Variants in CNGB3 observed in about 807,000 individuals in gnomAD.
The protein encoded by CNGB3 is cyclic nucleotide-gated channel beta-3.
A neutral mutation model predicts 92.8 loss-of-function variants in CNGB3; 86 were observed. That is an observed-to-expected ratio of 0.93 (90% CI 0.78 to 1.11). CNGB3 has a LOEUF of 1.11. CNGB3 is among the 50% of genes least tolerant of loss of function. The pLI, the probability that CNGB3 is intolerant of heterozygous loss-of-function variation, is 0.00. For missense variants in CNGB3, 1,026 were observed against 956.8 expected (o/e 1.07, Z -0.95); for synonymous variants, 333 against 332.7 (o/e 1.00, Z -0.01).
intron 14 of CNGB3, 112 bp downstream of exon 14, chr8:86,611,476 A>G (rs914537784): frequency 6.4e-6 from 5 of 784,332 alleles, no homozygotes; most frequent in Non-Finnish European, 9.1e-6. Flanking sequence ...AATTATTTCT[A>G]TACTATGGAA....
intron 2 of CNGB3, among the ~76,000 whole-genome samples, chr8:86,727,124 GTTA>G (rs1825073759): frequency 6.6e-6 from 1 of 152,208 alleles, no homozygotes; most frequent in Admixed American, 6.5e-5. Context: ...TTTGAAATAT[GTTA>G]TTATAATCTT....
At chr8:86,695,080 C>T (rs995425116) in intron 3 of CNGB3, among the ~76,000 whole-genome samples, 9 of 152,208 alleles carry the variant, frequency 5.9e-5, no homozygotes, top group African/African-American at 1.7e-4. Context: ...GGATCACTCG[C>T]GGTAAGGAGC....
chr8:86,699,533 T>C (rs373284810), intron 3 of CNGB3, among the ~76,000 whole-genome samples: 33 of 152,286 alleles, frequency 2.2e-4, no homozygotes, highest in African/African-American at 7.2e-4. Flanking sequence ...TGCATATAAG[T>C]ACCATTTCCA....
At chr8:86,634,239 T>G (rs1159681282) in intron 10 of CNGB3, among the ~76,000 whole-genome samples, 1 of 152,150 alleles carries the variant, frequency 6.6e-6, no homozygotes, top group Non-Finnish European at 1.5e-5. Context: ...GCTTTTCACT[T>G]TTAGTATGGT....
At chr8:86,670,453 G>C (rs1180249815) in intron 4 of CNGB3, among the ~76,000 whole-genome samples, 4 of 152,188 alleles carry the variant, frequency 2.6e-5, no homozygotes, top group Non-Finnish European at 2.9e-5. Flanking sequence ...GGAGGTAACA[G>C]TATCAGGCTC....
chr8:86,693,333 T>C (rs1586019892), intron 3 of CNGB3, among the ~76,000 whole-genome samples: 1 of 152,152 alleles, frequency 6.6e-6, no homozygotes, highest in East Asian at 1.9e-4. Flanking sequence ...TTCCAAACTT[T>C]TGGATTTCTC....
At position 86,699,396 on chromosome 8, in the gene CNGB3, G is replaced by C. The variant is rs1824510874; in HGVS notation, c.338+27135C>G. ...CTCATTCCTATAATCCCAGCACTTT[G>C]GGAGGCCAAGATGGAGGATTGCTTG... On this transcript the variant is annotated intron_variant, in intron 3 of 17. Coordinates refer to ENST00000320005, the MANE Select transcript of CNGB3 (RefSeq NM_019098.5). Among the ~76,000 whole-genome samples the C allele has an allele frequency of 1.3e-5, 2 of 152,102 alleles. 1 individual carries two copies. The highest frequency in any genetic ancestry group is 1.3e-4 in the Admixed American group (2 of 15,276).
In CNGB3 at chr8:86,604,149, A is replaced by G. The variant is rs745705258; in HGVS notation, c.1725T>C (p.Pro575=). ...GAGTAACCAGAACTTTAGTACCATC[A>G]GGGCCTCCAAGAACTTGGACTTCTC... is the stretch of plus-strand genomic sequence containing the variant. ...KHGEVQVLGG[P]DGTKVLVTLK... The change falls in exon 15 of 18, where the codon CCT becomes CCC. Residue 575 remains proline, a synonymous_variant. Transcript: ENST00000320005. 6.2e-7 allele frequency: 1 copy of G among 1,613,782 alleles called. No homozygotes were observed. The highest frequency in any genetic ancestry group is 1.1e-5 in the South Asian group (1 of 91,070).
intron 7 of CNGB3, among the ~76,000 whole-genome samples, chr8:86,652,907 A>T (rs1563741616): frequency 6.6e-6 from 1 of 152,136 alleles, no homozygotes; most frequent in Non-Finnish European, 1.5e-5. Flanking sequence ...GTTTATTGCC[A>T]TTATCCCCAA....
Position 86,688,819 on chromosome 8 carries a change from CTATT to C in CNGB3, c.339-17725_339-17722del, listed in dbSNP as rs553614211. On this transcript the variant is annotated intron_variant, in intron 3 of 17. Transcript: ENST00000320005. ...TCTATTTCATTTATTTCTGCTCTGA[CTATT>C]TGTTTTACTGTACTGATTTTGGGTT... Among the ~76,000 whole-genome samples the C allele has an allele frequency of 4.8e-4, 73 of 151,210 alleles. 2 individuals carry two copies. The South Asian group carries it at 0.014, about 29-fold the overall frequency.
chr8:86,604,997 T>C (rs778408234), intron 14 of CNGB3, among the ~76,000 whole-genome samples: 12 of 152,166 alleles, frequency 7.9e-5, no homozygotes, highest in Non-Finnish European at 1.3e-4. Context: ...TTTAAGAACA[T>C]TGGACCCAAG....
intron 15 of CNGB3, among the ~76,000 whole-genome samples, chr8:86,603,331 G>A (rs751318577): frequency 6.6e-5 from 10 of 152,192 alleles, no homozygotes; most frequent in South Asian, 2.1e-4. Context: ...AATCTAGCAC[G>A]TACCAGGCAC....
intron 3 of CNGB3, among the ~76,000 whole-genome samples, chr8:86,688,829 T>A (rs1264518294): frequency 6.6e-6 from 1 of 152,030 alleles, no homozygotes; most frequent in Non-Finnish European, 1.5e-5. Context: ...CTATTTGTTT[T>A]ACTGTACTGA....
chr8:86,661,288 G>A, intron 6 of CNGB3: 1 of 344,070 alleles, frequency 2.9e-6, no homozygotes, highest in Admixed American at 3.5e-5. Context: ...AGTTTAACAT[G>A]CCAGTCATGT....
At chr8:86,708,024 ACATGCATTTTGC>A (rs1185375540) in intron 3 of CNGB3, 1 of 152,232 alleles carries the variant, frequency 6.6e-6, no homozygotes, top group African/African-American at 2.4e-5. Flanking sequence ...GGTTTTGGAC[ACATGCATTTTGC>A]CATATCTGAT....
At chr8:86,722,443 G>A (rs1281305597) in intron 3 of CNGB3, among the ~76,000 whole-genome samples, 1 of 152,122 alleles carries the variant, frequency 6.6e-6, no homozygotes, top group Admixed American at 6.6e-5. Flanking sequence ...TGCTTTTGGA[G>A]GTGAAGAGTG....
intron 3 of CNGB3, among the ~76,000 whole-genome samples, chr8:86,688,399 G>T (rs1824229875): frequency 6.6e-6 from 1 of 151,936 alleles, no homozygotes; most frequent in Non-Finnish European, 1.5e-5. Flanking sequence ...ATGTTACTAA[G>T]GATATTTTTC....
chr8:86,598,422 C>T (rs766370048), intron 15 of CNGB3, among the ~76,000 whole-genome samples: 1 of 152,186 alleles, frequency 6.6e-6, no homozygotes, highest in Non-Finnish European at 1.5e-5. Flanking sequence ...GAGTGTCAAG[C>T]ATGTTTTGTT....
rs774698910 is a variant in CNGB3 at position 86,671,133 on chromosome 8, C to G, written c.339-35G>C. The stretch of plus-strand genomic sequence containing the variant: ...AAAAAAAATGGCAATAGAGATGGGC[C>G]CATGAAGAAATAGATATAAGGGAAA... On this transcript the variant is annotated intron_variant, in intron 3 of 17. Transcript: ENST00000320005. 3 of 1,609,024 alleles carry G rather than the reference C, an allele frequency of 1.9e-6. No individual in the cohort carries two copies. The South Asian group carries it at 3.3e-5, about 18-fold the overall frequency.
Sources: allele counts gnomAD v4.1 joint callset (sites outside exome capture counted in the v4.1 genomes callset), GRCh38; gene constraint gnomAD v4.1.1; transcripts MANE v1.5; gene names NCBI Gene and HGNC (gene_info 2026-07-23, HGNC 2026-07-21).